IGF2R: variants seen among roughly 807,000 people sequenced by gnomAD.
IGF2R encodes cation-independent mannose-6-phosphate receptor.
Under a neutral mutation model 270.6 loss-of-function variants are expected in IGF2R, and 91 were observed. That is an observed-to-expected ratio of 0.34 (90% CI 0.28 to 0.40). The LOEUF is 0.40. Ranked by LOEUF, IGF2R falls within the 10% of genes least tolerant of loss-of-function variation. The probability of loss-of-function intolerance (pLI) is 1.00; values close to 1 mark genes in which losing one functional copy is unlikely to be tolerated. For synonymous variants in IGF2R, 1,316 were observed against 1,258.9 expected (o/e 1.05, Z -0.96); for missense variants, 2,805 against 3,188.3 (o/e 0.88, Z 2.90).
chr6:160,069,676 C>A (rs1778672379), intron 30 of IGF2R, among the ~76,000 whole-genome samples, 192 bp from the exon 31 acceptor site: 1 of 152,204 alleles, frequency 6.6e-6, no homozygotes, highest in South Asian at 2.1e-4. Flanking sequence ...GACAAAACAG[C>A]ATGTAAGTGA....
At chr6:159,970,085 A>T (rs113271195) in intron 1 of IGF2R, among the ~76,000 whole-genome samples, 1 of 151,942 alleles carries the variant, frequency 6.6e-6, no homozygotes, top group Non-Finnish European at 1.5e-5. Flanking sequence ...ACATGATGTC[A>T]TTGTCTCCGG....
intron 4 of IGF2R, among the ~76,000 whole-genome samples, chr6:160,014,211 C>G (rs2115210787): frequency 6.6e-6 from 1 of 152,300 alleles, no homozygotes; most frequent in South Asian, 2.1e-4. Context: ...AGGCAAAATT[C>G]AGAACTGGCC....
chr6:160,071,215 G>T (rs1326262522), intron 31 of IGF2R, among the ~76,000 whole-genome samples: 1 of 139,336 alleles, frequency 7.2e-6, no homozygotes, highest in African/African-American at 2.7e-5. Flanking sequence ...GACCCAGGAG[G>T]CTGGGAGGGA....
chr6:160,104,999 C>T lies in IGF2R; in HGVS notation c.7391C>T (p.Ser2464Phe). 1.2e-6 allele frequency: 2 copies of T among 1,613,896 alleles called. No individual in the cohort carries two copies. Among genetic ancestry groups the T allele is most frequent in the Non-Finnish European group, 8.5e-7 (1 of 1,179,948 alleles). The change falls in exon 48 of 48, where the codon TCC becomes TTC. Residue 2464 changes from serine to phenylalanine, a missense_variant. Physicochemically the swap from Ser to Phe is radical, Grantham distance 155 (BLOSUM62 -2). This residue lies in a region of IGF2R where 1,851 missense variants were observed against 2,207.2 expected (regional missense o/e 0.84). Coordinates refer to ENST00000356956, the MANE Select transcript of IGF2R (RefSeq NM_000876.4). The stretch of plus-strand genomic sequence containing the variant: ...GGTGAGAAGGCGAGGAAAGGGAAGT[C>T]CAGCTCTGCACAGCAGAAGACAGTG... ...VRGEKARKGKSSSAQQKTVSS... is the reference protein window; with the variant it reads ...VRGEKARKGKFSSAQQKTVSS...
At chr6:160,081,619 G>A (rs565656011) in intron 39 of IGF2R, among the ~76,000 whole-genome samples, 7 of 152,212 alleles carry the variant, frequency 4.6e-5, no homozygotes, top group East Asian at 3.8e-4. Context: ...AGGCCAGGGC[G>A]TGTTTCATCC....
intron 27 of IGF2R, 110 bp downstream of exon 27, chr6:160,063,740 G>GT (rs1778494488): frequency 1.5e-6 from 1 of 663,074 alleles, no homozygotes; most frequent in Non-Finnish European, 2.5e-6. Flanking sequence ...GTGTTCTACT[G>GT]TAAAAAAAAA....
intron 7 of IGF2R, among the ~76,000 whole-genome samples, chr6:160,030,875 G>A (rs1777680949): frequency 6.6e-6 from 1 of 150,816 alleles, no homozygotes; most frequent in Non-Finnish European, 1.5e-5. Context: ...CCCGGCCGGA[G>A]TGCAGTGCCA....
chr6:160,090,681 T>C (rs555725726), intron 44 of IGF2R, among the ~76,000 whole-genome samples: 1 of 152,350 alleles, frequency 6.6e-6, no homozygotes, highest in South Asian at 2.1e-4. Context: ...TATATACCTT[T>C]CATAATTTGA....
intron 4 of IGF2R, among the ~76,000 whole-genome samples, chr6:160,019,816 A>C (rs1777391454): frequency 6.6e-6 from 1 of 152,216 alleles, no homozygotes; most frequent in Non-Finnish European, 1.5e-5. Flanking sequence ...CCTCAGAATA[A>C]TAAAAGGCAT....
Position 160,050,793 on chromosome 6 carries a change from G to T in IGF2R, c.2694+141G>T, listed in dbSNP as rs1562357945. 3.0e-6 allele frequency: 2 copies of T among 665,320 alleles called. No individual in the cohort carries two copies. The highest frequency in any genetic ancestry group is 4.9e-6 in the Non-Finnish European group (2 of 406,584). 41.2% of individuals were successfully genotyped at this position (665,320 alleles called of 1,614,324 possible). Reference sequence around the variant, plus strand: ...TAGTTCTGCTTAAGGTCAGTGTGCGGTATATATGTTCACAGGCAGGGAGTG... The same window carrying T: ...TAGTTCTGCTTAAGGTCAGTGTGCGTTATATATGTTCACAGGCAGGGAGTG... On this transcript the variant is annotated intron_variant, in intron 19 of 47. Coordinates refer to ENST00000356956, the MANE Select transcript of IGF2R (RefSeq NM_000876.4). This position sits in a 1 kb window ranked among gnomAD's most constrained non-coding sequence, Gnocchi z 4.0.
intron 13 of IGF2R, 121 bp downstream of exon 13, chr6:160,044,778 C>A: frequency 1.3e-6 from 1 of 795,844 alleles, no homozygotes; most frequent in Non-Finnish European, 1.9e-6. Flanking sequence ...TGGTGTTCAG[C>A]ATTTTGAGTT....
chr6:160,094,546 T>C (rs1364620784), intron 44 of IGF2R: 1 of 153,576 alleles, frequency 6.5e-6, no homozygotes, highest in Non-Finnish European at 1.4e-5. Flanking sequence ...TGGTATTGTA[T>C]TTCTGACTTG....
chr6:160,009,442 C>T (rs1485674408), intron 3 of IGF2R, among the ~76,000 whole-genome samples: 1 of 151,966 alleles, frequency 6.6e-6, no homozygotes. Flanking sequence ...TCTCTAAAAC[C>T]TCTTCTTCTA....
chr6:159,974,254 ATCTTT>A (rs71793166), intron 1 of IGF2R, among the ~76,000 whole-genome samples: 9,193 of 152,140 alleles, frequency 0.06, 388 homozygotes, highest in Non-Finnish European at 0.096. Flanking sequence ...AGAAAGGAAC[ATCTTT>A]TCTTGTATTT....
chr6:160,034,565 G>A, intron 10 of IGF2R, 43 bp downstream of exon 10: 5 of 1,264,352 alleles, frequency 4.0e-6, no homozygotes, highest in Non-Finnish European at 4.6e-6. Context: ...TTGCATTCAT[G>A]GGCATGTGCT....
Position 160,023,650 on chromosome 6 carries a change from GT to G in IGF2R, c.514-920del, listed in dbSNP as rs1253347958. Among the ~76,000 whole-genome samples, 7 of 152,294 alleles carry G rather than the reference GT, an allele frequency of 4.6e-5. No individual in the cohort carries two copies. In the East Asian group the frequency reaches 1.3e-3, roughly 29 times the overall value. On this transcript the variant is annotated intron_variant, in intron 4 of 47. Coordinates refer to ENST00000356956, the MANE Select transcript of IGF2R (RefSeq NM_000876.4). ...AACTTCATTCATGGTCATGCAAAGT[GT>G]TCATGCCAGAGGTTGAACCCCAAGT...
intron 41 of IGF2R, among the ~76,000 whole-genome samples, chr6:160,086,097 C>T (rs943324937): frequency 5.3e-5 from 8 of 152,186 alleles, no homozygotes; most frequent in Admixed American, 5.2e-4. Flanking sequence ...CTTAAGGCTT[C>T]CTAAAAGTTT....
rs1783611558 is a variant in IGF2R, at chr6:159,971,706, GGT to G, written c.149+2313_149+2314del. On this transcript the variant is annotated intron_variant, in intron 1 of 47. Transcript: ENST00000356956. Reference sequence around the variant, plus strand: ...CGCGTTGCCCAGGCAGAAGTGCAGTGGTGCAGTCATAGCTCACTACAGTCGTG... The same window carrying G: ...CGCGTTGCCCAGGCAGAAGTGCAGTGGCAGTCATAGCTCACTACAGTCGTG... Among the ~76,000 whole-genome samples the G allele has an allele frequency of 2.6e-5, 4 of 152,322 alleles. No homozygotes were observed. In the South Asian group the frequency reaches 8.3e-4, roughly 32 times the overall value.
chr6:160,019,341 C>T (rs1455550772), intron 4 of IGF2R, among the ~76,000 whole-genome samples: 2 of 151,960 alleles, frequency 1.3e-5, no homozygotes, highest in Non-Finnish European at 2.9e-5. Flanking sequence ...AACCTCCCAA[C>T]AAAAAAAGCT....
Sources: allele counts gnomAD v4.1 joint callset (sites outside exome capture counted in the v4.1 genomes callset), GRCh38; gene constraint gnomAD v4.1.1; regional missense constraint gnomAD v4.1.1; non-coding constraint Gnocchi (gnomAD v3.1); transcripts MANE v1.5; gene names NCBI Gene and HGNC (gene_info 2026-07-23, HGNC 2026-07-21).